Variants in SPINK1 observed in about 807,000 individuals in gnomAD.
SPINK1 encodes the protein serine protease inhibitor Kazal-type 1.
Under a neutral mutation model 9.5 loss-of-function variants are expected in SPINK1, and 5 were observed. The ratio of observed to expected loss-of-function variants is 0.52; its 90% CI spans 0.27 to 1.10. SPINK1 has a LOEUF of 1.10. Among genes scored for constraint, SPINK1 ranks in the 50% least tolerant of loss-of-function variants. SPINK1 has a pLI of 0.11. For missense variants in SPINK1, 88 were observed against 92.7 expected (o/e 0.95, Z 0.21); for synonymous variants, 37 against 32.3 (o/e 1.14, Z -0.49).
upstream of SPINK1, among the ~76,000 whole-genome samples, chr5:147,835,053 T>C (rs982516747): frequency 6.6e-6 from 1 of 152,064 alleles, no homozygotes; most frequent in Non-Finnish European, 1.5e-5. Context: ...CTAAGATGAA[T>C]TCTAGTTAAA....
chr5:147,838,780 C>T, the SPINK1 span, among the ~76,000 whole-genome samples: 1 of 152,126 alleles, frequency 6.6e-6, no homozygotes, highest in African/African-American at 2.4e-5. Context: ...CCATCATCAA[C>T]TTTCCTAATT....
At chr5:147,836,624 T>C (rs188434887), upstream of SPINK1, among the ~76,000 whole-genome samples, 15 of 152,310 alleles carry the variant, frequency 9.8e-5, no homozygotes, top group African/African-American at 3.6e-4. Flanking sequence ...TTTGTGGGCA[T>C]AGTAGACTTT....
upstream of SPINK1, among the ~76,000 whole-genome samples, chr5:147,833,081 A>G (rs1239013123): frequency 6.6e-6 from 1 of 152,152 alleles, no homozygotes; most frequent in Non-Finnish European, 1.5e-5. Flanking sequence ...TTCAGGTGAT[A>G]TCACACAGAG....
At chr5:147,831,801 C>A, upstream of SPINK1, 2 of 1,400,678 alleles carry the variant, frequency 1.4e-6, no homozygotes. Context: ...GCCAGGTGGG[C>A]CTGAAACATG....
Position 147,828,114 on chromosome 5 carries a change from A to G in SPINK1, c.102T>C (p.Asn34=). The change falls in exon 3 of 4, where the codon AAT becomes AAC. Residue 34 remains asparagine, a synonymous_variant. Coordinates refer to ENST00000296695, the MANE Select transcript of SPINK1 (RefSeq NM_001379610.1). ...DSLGREAKCY[N]ELNGCTKIYD... is the part of the protein sequence containing the mutation. ...ATATCTTGGTGCATCCATTAAGTTC[A>G]TTGTAACATTTGGCCTAAAAATGGA... The G allele has an allele frequency of 6.2e-7, 1 of 1,612,934 alleles. No individual in the cohort carries two copies. The highest frequency in any genetic ancestry group is 1.3e-5 in the African/African-American group (1 of 75,030).
intron 1 of SPINK1, among the ~76,000 whole-genome samples, chr5:147,830,021 T>C (rs973908902): frequency 2.0e-5 from 3 of 152,206 alleles, no homozygotes; most frequent in Admixed American, 2.0e-4. Context: ...ATTAGTGAAG[T>C]ATAATTTTTA....
chr5:147,832,668 G>A (rs1756528844), upstream of SPINK1, among the ~76,000 whole-genome samples: 1 of 152,156 alleles, frequency 6.6e-6, no homozygotes, highest in Non-Finnish European at 1.5e-5. Flanking sequence ...TTGGCCTGTG[G>A]AAATTGGGGC....
intron 3 of SPINK1, chr5:147,827,076 T>C (rs1756419840): frequency 6.6e-6 from 1 of 151,996 alleles, no homozygotes; most frequent in African/African-American, 2.4e-5. Context: ...ATTCTATTCT[T>C]TTTTTTTCCT....
At chr5:147,837,908 G>T in the SPINK1 span, among the ~76,000 whole-genome samples, 9 of 151,786 alleles carry the variant, frequency 5.9e-5, no homozygotes, top group Non-Finnish European at 1.2e-4. Context: ...CACCATGTTG[G>T]CCAGGCTGGT....
intron 2 of SPINK1, 34 bp downstream of exon 2, chr5:147,829,565 T>C (rs745478756): frequency 1.2e-6 from 2 of 1,606,008 alleles, no homozygotes; most frequent in African/African-American, 2.7e-5. Flanking sequence ...ACTGTTCCAG[T>C]CTGAGAAATA....
At chr5:147,825,424 T>C (rs1435365836) in intron 3 of SPINK1, among the ~76,000 whole-genome samples, 1 of 147,230 alleles carries the variant, frequency 6.8e-6, no homozygotes, top group African/African-American at 2.4e-5. Context: ...TTTTTCTTTT[T>C]TTTTTCTTTT....
chr5:147,835,574 G>A (rs1384322284), upstream of SPINK1, among the ~76,000 whole-genome samples: 1 of 151,838 alleles, frequency 6.6e-6, no homozygotes, highest in Non-Finnish European at 1.5e-5. Context: ...GTCTATCTTT[G>A]GGAACTCAAG....
intron 1 of SPINK1, among the ~76,000 whole-genome samples, chr5:147,831,246 C>CT (rs1756502634): frequency 6.6e-6 from 1 of 152,076 alleles, no homozygotes; most frequent in Non-Finnish European, 1.5e-5. Flanking sequence ...TATTTTTACC[C>CT]TTTTTTCTCT....
At chr5:147,838,024 C>G in the SPINK1 span, among the ~76,000 whole-genome samples, 1 of 152,050 alleles carries the variant, frequency 6.6e-6, no homozygotes, top group Admixed American at 6.6e-5. Context: ...CTTACAGGGA[C>G]AAGCCATCCG....
chr5:147,829,865 C>T (rs780917468), intron 1 of SPINK1, among the ~76,000 whole-genome samples: 3 of 152,128 alleles, frequency 2.0e-5, no homozygotes, highest in Non-Finnish European at 2.9e-5. Context: ...CAAAGTATCT[C>T]GATTTGATGT....
At chr5:147,828,926 A>G (rs1466211508) in intron 2 of SPINK1, among the ~76,000 whole-genome samples, 3 of 151,682 alleles carry the variant, frequency 2.0e-5, no homozygotes. Context: ...ATAACCCCTC[A>G]GTTACTTCGG....
chr5:147,832,912 G>A (rs1756532793), upstream of SPINK1, among the ~76,000 whole-genome samples: 2 of 152,126 alleles, frequency 1.3e-5, no homozygotes, highest in South Asian at 2.1e-4. Flanking sequence ...TCTTCATGGA[G>A]CTTCCATTGC....
At chr5:147,830,235 T>C (rs1450560130) in intron 1 of SPINK1, among the ~76,000 whole-genome samples, 2 of 152,204 alleles carry the variant, frequency 1.3e-5, no homozygotes, top group Non-Finnish European at 2.9e-5. Flanking sequence ...TTGCATCATA[T>C]GGACTATGGG....
chr5:147,834,666 A>G (rs1707919747), upstream of SPINK1, among the ~76,000 whole-genome samples: 1 of 152,110 alleles, frequency 6.6e-6, no homozygotes, highest in Admixed American at 6.6e-5. Context: ...TGTGGGGAGA[A>G]GGGAATTGGC....
Sources: allele counts gnomAD v4.1 joint callset (sites outside exome capture counted in the v4.1 genomes callset), GRCh38; gene constraint gnomAD v4.1.1; transcripts MANE v1.5; gene names NCBI Gene and HGNC (gene_info 2026-07-23, HGNC 2026-07-21).